ITGA11: variants seen among roughly 807,000 people sequenced by gnomAD.
ITGA11 encodes integrin alpha-11.
Under a neutral mutation model 141.9 loss-of-function variants are expected in ITGA11, and 97 were observed. The ratio of observed to expected loss-of-function variants is 0.68; its 90% CI spans 0.58 to 0.81. The LOEUF is 0.81. Ranked by LOEUF, ITGA11 falls within the 30% of genes least tolerant of loss-of-function variation. The probability of loss-of-function intolerance (pLI) is 0.00; values close to 1 mark genes in which losing one functional copy is unlikely to be tolerated. For synonymous variants in ITGA11, 658 were observed against 624.6 expected (o/e 1.05, Z -0.80); for missense variants, 1,387 against 1,559.2 (o/e 0.89, Z 1.86).
intron 12 of ITGA11, among the ~76,000 whole-genome samples, chr15:68,334,832 C>T (rs1449782219): frequency 6.6e-6 from 1 of 152,176 alleles, no homozygotes; most frequent in Non-Finnish European, 1.5e-5. Context: ...AGGTCTAGCC[C>T]TCGATTCCCA....
At chr15:68,318,635 G>A (rs551782182) in intron 20 of ITGA11, among the ~76,000 whole-genome samples, 5 of 152,246 alleles carry the variant, frequency 3.3e-5, no homozygotes, top group African/African-American at 7.2e-5. Flanking sequence ...GGGGGTACCC[G>A]AGTAGGCAGC....
intron 2 of ITGA11, among the ~76,000 whole-genome samples, chr15:68,387,064 G>A (rs1027433233): frequency 6.6e-6 from 1 of 152,112 alleles, no homozygotes; most frequent in Non-Finnish European, 1.5e-5. Context: ...GGAGGAGAAT[G>A]AGGAGAAAAG....
chr15:68,364,891 C>A, intron 3 of ITGA11, 93 bp from the exon 4 acceptor site: 1 of 1,224,532 alleles, frequency 8.2e-7, no homozygotes, highest in South Asian at 1.3e-5. Flanking sequence ...GGTGCCTCCC[C>A]GATTCTCCCT....
intron 1 of ITGA11, among the ~76,000 whole-genome samples, chr15:68,427,153 G>A (rs943840975): frequency 2.6e-5 from 4 of 151,904 alleles, no homozygotes; most frequent in African/African-American, 9.7e-5. Flanking sequence ...CAGAATTGTA[G>A]CAGTGACTTT....
At chr15:68,332,993 T>C (rs1484859723) in intron 12 of ITGA11, among the ~76,000 whole-genome samples, 1 of 152,228 alleles carries the variant, frequency 6.6e-6, no homozygotes, top group East Asian at 1.9e-4. Flanking sequence ...ATCATGAACA[T>C]TTTTCTATGA....
intron 3 of ITGA11, among the ~76,000 whole-genome samples, chr15:68,368,795 T>A (rs906013522): frequency 6.6e-6 from 1 of 151,826 alleles, no homozygotes; most frequent in African/African-American, 2.4e-5. Flanking sequence ...GTGAACATTA[T>A]CGAAGATATC....
intron 7 of ITGA11, among the ~76,000 whole-genome samples, chr15:68,351,864 A>C (rs953481580): frequency 6.6e-6 from 1 of 152,018 alleles, no homozygotes; most frequent in Non-Finnish European, 1.5e-5. Context: ...GGGCAGATCA[A>C]CTGAGGTTGG....
chr15:68,391,047 T>A (rs1896107844), intron 2 of ITGA11, among the ~76,000 whole-genome samples: 1 of 152,162 alleles, frequency 6.6e-6, no homozygotes, highest in South Asian at 2.1e-4. Context: ...TGAATCAAAT[T>A]CTTGGAATGC....
At chr15:68,404,579 T>G (rs1442700853) in intron 1 of ITGA11, among the ~76,000 whole-genome samples, 3 of 152,066 alleles carry the variant, frequency 2.0e-5, no homozygotes, top group Non-Finnish European at 2.9e-5. Flanking sequence ...GGAGAATGAG[T>G]GAGCATCGTC....
At chr15:68,402,340 TA>T (rs932206736) in intron 2 of ITGA11, among the ~76,000 whole-genome samples, 2 of 151,664 alleles carry the variant, frequency 1.3e-5, no homozygotes, top group East Asian at 3.9e-4. Context: ...ATGGTACATT[TA>T]AAAAAAAATC....
intron 7 of ITGA11, among the ~76,000 whole-genome samples, chr15:68,352,303 G>A (rs980384053): frequency 1.3e-5 from 2 of 151,034 alleles, no homozygotes; most frequent in African/African-American, 4.9e-5. Context: ...AGCGATTCTC[G>A]TGCCTCAGTC....
In ITGA11 at chr15:68,432,062, T is replaced by C; in HGVS notation, c.5A>G (p.Asp2Gly). The C allele has an allele frequency of 7.3e-7, 1 of 1,369,062 alleles. No individual in the cohort carries two copies. Among genetic ancestry groups the C allele is most frequent in the South Asian group, 2.0e-5 (1 of 49,964 alleles). The allele number at this position is 1,369,062 out of a possible 1,614,324, so 84.8% of individuals were successfully genotyped here. The change falls in exon 1 of 30, where the codon GAC becomes GGC. Residue 2 changes from aspartate to glycine, a missense_variant. By Grantham distance (94) the Asp-to-Gly change is moderately conservative. Coordinates refer to ENST00000315757, the MANE Select transcript of ITGA11 (RefSeq NM_001004439.2). ...GGCCACCACCAGGCCCCTGGGCAGG[T>C]CCATGGCCCGCGGCACGGCGGCTGG... M[D>G]LPRGLVVAWA...
chr15:68,345,346 C>T (rs1294848809), intron 10 of ITGA11, among the ~76,000 whole-genome samples: 4 of 152,254 alleles, frequency 2.6e-5, no homozygotes, highest in Admixed American at 2.0e-4. Flanking sequence ...TCCAGCTACC[C>T]GGGTTTTCCC....
At chr15:68,319,614 G>A (rs945852739) in intron 20 of ITGA11, among the ~76,000 whole-genome samples, 3 of 152,250 alleles carry the variant, frequency 2.0e-5, no homozygotes, top group African/African-American at 7.2e-5. Flanking sequence ...ACCTGGGGAA[G>A]AACCGGTTCT....
rs368518553 is a variant in ITGA11 at position 68,369,271 on chromosome 15, C to A, written c.178G>T (p.Ala60Ser). The change falls in exon 3 of 30, where the codon GCC becomes TCC. Residue 60 changes from alanine (A) to serine (S), a missense_variant. Physicochemically the swap from Ala to Ser is moderately conservative, Grantham distance 99. Coordinates refer to ENST00000315757, the MANE Select transcript of ITGA11 (RefSeq NM_001004439.2). Reference protein sequence around the residue: ...ISGNKWLVVGAPLETNGYQKT... With the variant: ...ISGNKWLVVGSPLETNGYQKT... ...TGGTAGCCATTGGTTTCCAGTGGGGCGCCCACGACCAGCCTGGGAAGGAAG... is the reference window on the plus strand; with the variant it reads ...TGGTAGCCATTGGTTTCCAGTGGGGAGCCCACGACCAGCCTGGGAAGGAAG... The A allele has an allele frequency of 5.0e-6, 8 of 1,613,514 alleles. No individual in the cohort carries two copies. Among genetic ancestry groups the A allele is most frequent in the African/African-American group, 1.3e-5 (1 of 74,850 alleles).
rs369033205 is a variant in ITGA11 at position 68,320,053 on chromosome 15, G to C, written c.2616+132C>G. The stretch of plus-strand genomic sequence containing the variant: ...GATCCTCCCACCTCAGCCTCCCAAA[G>C]TGCTAGGATTACAGGCATGAGCCAC... On this transcript the variant is annotated intron_variant, in intron 20 of 29. Coordinates refer to ENST00000315757, the MANE Select transcript of ITGA11 (RefSeq NM_001004439.2). 6.7e-5 allele frequency: 51 copies of C among 762,848 alleles called. No individual in the cohort carries two copies. In the South Asian group the frequency reaches 8.3e-4, roughly 12 times the overall value. The allele number at this position is 762,848 out of a possible 1,614,324, so 47.3% of individuals were successfully genotyped here.
intron 1 of ITGA11, among the ~76,000 whole-genome samples, chr15:68,418,475 T>G (rs530620385): frequency 1.3e-5 from 2 of 152,328 alleles, no homozygotes; most frequent in East Asian, 1.9e-4. Flanking sequence ...TTGCCTTATC[T>G]GTGAAAGGCA....
At chr15:68,320,548 G>A (rs1196225399) in intron 19 of ITGA11, among the ~76,000 whole-genome samples, 156 bp from the exon 20 acceptor site, 1 of 152,166 alleles carries the variant, frequency 6.6e-6, no homozygotes, top group East Asian at 1.9e-4. Flanking sequence ...ATGGATGGCA[G>A]GGCTGGAAAG....
At chr15:68,404,538 C>T (rs902826393) in intron 1 of ITGA11, among the ~76,000 whole-genome samples, 1 of 152,202 alleles carries the variant, frequency 6.6e-6, no homozygotes, top group Non-Finnish European at 1.5e-5. Flanking sequence ...GGCCTCCTCA[C>T]ATCTGCCATC....
Sources: gnomAD v4.1 joint callset for allele counts (sites outside exome capture counted in the v4.1 genomes callset) on GRCh38, gnomAD v4.1.1 for gene constraint, MANE v1.5 for transcripts, NCBI Gene and HGNC (gene_info 2026-07-23, HGNC 2026-07-21) for gene names.